Variants in NRCAM observed in about 807,000 individuals in gnomAD.
NRCAM encodes the protein NgCAM-related cell adhesion molecule.
Under a neutral mutation model 156.5 loss-of-function variants are expected in NRCAM, and 83 were observed. The observed-to-expected ratio is 0.53, with a 90% confidence interval of 0.44 to 0.64. NRCAM has a LOEUF of 0.64. Ranked by LOEUF, NRCAM falls within the 30% of genes least tolerant of loss-of-function variation. The pLI, the probability that NRCAM is intolerant of heterozygous loss-of-function variation, is 0.00. For synonymous variants in NRCAM, 538 were observed against 563.9 expected, an observed-to-expected ratio of 0.95 and a Z score of 0.65; for missense variants, 1,417 against 1,597.3, an observed-to-expected ratio of 0.89 and a Z score of 1.92.
chr7:108,234,627 C>A lies in NRCAM; in HGVS notation c.186G>T (p.Glu62Asp). Residue 62 changes from glutamate to aspartate, a missense_variant, in exon 6 of 33, where the codon GAG (glutamate) becomes GAT (aspartate). Coordinates refer to ENST00000379028, the MANE Select transcript of NRCAM (RefSeq NM_001037132.4). ...TGGCTTCACACTGGATTACAATATTCTCCCGAGGGTCAATAATGTAATCTT... is the reference window on the plus strand; with the variant it reads ...TGGCTTCACACTGGATTACAATATTATCCCGAGGGTCAATAATGTAATCTT... Reference protein sequence around the residue: ...SPKDYIIDPRENIVIQCEAKG... With the variant: ...SPKDYIIDPRDNIVIQCEAKG... 6.2e-7 allele frequency: 1 copy of A among 1,613,264 alleles called. No homozygotes were observed. Among genetic ancestry groups the A allele is most frequent in the African/African-American group, 1.3e-5 (1 of 74,918 alleles).
At chr7:108,327,823 T>G (rs187662865) in intron 2 of NRCAM, among the ~76,000 whole-genome samples, 1 of 152,162 alleles carries the variant, frequency 6.6e-6, no homozygotes, top group African/African-American at 2.4e-5. Flanking sequence ...GGAATGACAG[T>G]AGATTCTGCT....
intron 32 of NRCAM, among the ~76,000 whole-genome samples, chr7:108,152,515 C>A (rs1371115974): frequency 1.6e-5 from 2 of 123,514 alleles, no homozygotes; most frequent in African/African-American, 3.2e-5. Flanking sequence ...GCCTTTAACT[C>A]TGAGTGAGAC....
chr7:108,439,861 G>T (rs1321672264), intron 1 of NRCAM, among the ~76,000 whole-genome samples: 2 of 146,452 alleles, frequency 1.4e-5, no homozygotes, highest in Middle Eastern at 3.5e-3. Flanking sequence ...AAAAGGACAG[G>T]CAATACTAAA....
intron 2 of NRCAM, among the ~76,000 whole-genome samples, chr7:108,353,301 TTTC>T (rs1312417089): frequency 6.6e-6 from 1 of 152,042 alleles, no homozygotes; most frequent in African/African-American, 2.4e-5. Context: ...CTGATGTATT[TTTC>T]TTCTTCTTTC....
intron 1 of NRCAM, among the ~76,000 whole-genome samples, chr7:108,417,048 AAT>A (rs1802435444): frequency 6.6e-6 from 1 of 152,202 alleles, no homozygotes; most frequent in East Asian, 1.9e-4. Flanking sequence ...CATTTATTTC[AAT>A]GTTTTCCATC....
chr7:108,316,319 G>A (rs1201822045), intron 2 of NRCAM, among the ~76,000 whole-genome samples: 3 of 152,170 alleles, frequency 2.0e-5, no homozygotes, highest in Admixed American at 2.0e-4. Context: ...GCCCTCACCA[G>A]ATGCAGGCCT....
intron 1 of NRCAM, among the ~76,000 whole-genome samples, chr7:108,430,173 G>C (rs922706636): frequency 1.3e-5 from 2 of 151,918 alleles, no homozygotes; most frequent in African/African-American, 4.8e-5. Flanking sequence ...TTTCGTTTTT[G>C]GTAAGAATCT....
At chr7:108,383,500 A>T (rs1261145604) in intron 2 of NRCAM, among the ~76,000 whole-genome samples, 1 of 152,178 alleles carries the variant, frequency 6.6e-6, no homozygotes, top group Admixed American at 6.5e-5. Context: ...GGGCTTGGTA[A>T]CACACAACCC....
In NRCAM at chr7:108,237,775, T is replaced by TC; in HGVS notation, c.107-7dup. 6.3e-7 allele frequency: 1 copy of TC among 1,593,668 alleles called. No homozygotes were observed. The highest frequency in any genetic ancestry group is 1.7e-4 in the Middle Eastern group (1 of 5,994). On this transcript the variant is annotated splice_polypyrimidine_tract_variant and splice_region_variant and intron_variant, in intron 4 of 32. Coordinates refer to ENST00000379028, the MANE Select transcript of NRCAM (RefSeq NM_001037132.4). ...ACAGTCTTCAAGAAGTTTTGCTTTTTCCCCATCAATATCAGCAGGTAAGTG... is the reference window on the plus strand; with the variant it reads ...ACAGTCTTCAAGAAGTTTTGCTTTTTCCCCCATCAATATCAGCAGGTAAGTG...
At chr7:108,324,267 C>CT (rs984038722) in intron 2 of NRCAM, among the ~76,000 whole-genome samples, 14 of 114,330 alleles carry the variant, frequency 1.2e-4, no homozygotes, top group African/African-American at 4.1e-4. Flanking sequence ...TGGCATGATC[C>CT]TGGGGGTGCC....
intron 27 of NRCAM, 134 bp from the exon 28 acceptor site, chr7:108,175,491 T>A: frequency 1.4e-6 from 1 of 740,164 alleles, no homozygotes. Flanking sequence ...ACATCAGGTA[T>A]AGGGGACAAA....
intron 2 of NRCAM, among the ~76,000 whole-genome samples, chr7:108,337,098 T>A (rs912696711): frequency 6.6e-6 from 1 of 152,048 alleles, no homozygotes; most frequent in African/African-American, 2.4e-5. Context: ...ACCCCATCTC[T>A]ACTAAAAACA....
intron 2 of NRCAM, among the ~76,000 whole-genome samples, chr7:108,367,187 A>G (rs1381881732): frequency 6.6e-6 from 1 of 152,218 alleles, no homozygotes; most frequent in Non-Finnish European, 1.5e-5. Flanking sequence ...AAAGAAAGGT[A>G]CCTGCTTGGA....
chr7:108,446,236 T>C (rs1323859020), intron 1 of NRCAM, among the ~76,000 whole-genome samples: 2 of 152,214 alleles, frequency 1.3e-5, no homozygotes, highest in Non-Finnish European at 2.9e-5. Flanking sequence ...CTGGATTCAA[T>C]GATTTCACCT....
intron 3 of NRCAM, among the ~76,000 whole-genome samples, chr7:108,251,247 ATGT>A (rs1228947308): frequency 1.3e-5 from 2 of 152,226 alleles, no homozygotes; most frequent in Non-Finnish European, 2.9e-5. Flanking sequence ...GAAAGAAGAA[ATGT>A]TGTAGAAGTA....
rs190459244 is a variant in NRCAM, at chr7:108,195,200, T to A, written c.1463+561A>T. Among the ~76,000 whole-genome samples the A allele has an allele frequency of 5.9e-3, 888 of 151,544 alleles. 10 individuals are homozygous for A. The highest frequency in any genetic ancestry group is 0.02 in the African/African-American group (841 of 41,356). On this transcript the variant is annotated intron_variant, in intron 15 of 32. Transcript: ENST00000379028. Reference sequence around the variant, plus strand: ...TTGTGAAATACAGCAGCCTTAAATTTAAAAAAAAATCATTTACATGTAGAT... The same window carrying A: ...TTGTGAAATACAGCAGCCTTAAATTAAAAAAAAAATCATTTACATGTAGAT...
intron 3 of NRCAM, among the ~76,000 whole-genome samples, chr7:108,272,538 T>C (rs550658136): frequency 6.6e-6 from 1 of 152,182 alleles, no homozygotes; most frequent in African/African-American, 2.4e-5. Context: ...ACTAATATGT[T>C]TGATCATAGG....
chr7:108,276,492 CTTCT>C (rs369579044), intron 3 of NRCAM, among the ~76,000 whole-genome samples: 38 of 151,686 alleles, frequency 2.5e-4, no homozygotes, highest in African/African-American at 8.5e-4. Context: ...ATGTAATGGC[CTTCT>C]TTGTCTCTTT....
intron 1 of NRCAM, among the ~76,000 whole-genome samples, chr7:108,420,071 T>TG (rs10699854): frequency 1.3e-5 from 2 of 151,724 alleles, no homozygotes; most frequent in South Asian, 2.1e-4. Context: ...TGTGTGTGTG[T>TG]TTATTTTTAA....
Sources: allele counts gnomAD v4.1 joint callset (sites outside exome capture counted in the v4.1 genomes callset), GRCh38; gene constraint gnomAD v4.1.1; transcripts MANE v1.5; gene names NCBI Gene and HGNC (gene_info 2026-07-23, HGNC 2026-07-21).